Variants in KLF10 observed in about 807,000 individuals in gnomAD.
KLF10 encodes the protein KLF transcription factor 10.
A neutral mutation model predicts 31.6 loss-of-function variants in KLF10; 17 were observed. The ratio of observed to expected loss-of-function variants is 0.54; its 90% CI spans 0.37 to 0.81. The LOEUF is 0.81. KLF10 is among the 30% of genes least tolerant of loss of function. The probability of loss-of-function intolerance (pLI) is 0.00; values close to 1 mark genes in which losing one functional copy is unlikely to be tolerated. For missense variants in KLF10, 525 were observed against 598.1 expected (o/e 0.88, Z 1.27); for synonymous variants, 239 against 215.1 (o/e 1.11, Z -0.97).
chr8:102,650,174 TAGCTTGCTCACTTCCATCTGCC>T lies in KLF10; in HGVS notation c.1379_1400del (p.Trp460Ter). 6.2e-7 allele frequency: 1 copy of T among 1,614,252 alleles called. No homozygotes were observed. Among genetic ancestry groups the T allele is most frequent in the East Asian group, 2.2e-5 (1 of 44,884 alleles). Reference sequence around the variant, plus strand: ...GGGTTGGAGGTAGAGCAATGTCATTTAGCTTGCTCACTTCCATCTGCCAGTTTGGTAGCTTCTTGGCTGATAG... The same window carrying T: ...GGGTTGGAGGTAGAGCAATGTCATTTAGTTTGGTAGCTTCTTGGCTGATAG... On this transcript the variant is annotated frameshift_variant, in exon 4 of 4. Transcript: ENST00000285407. LOFTEE classifies it high-confidence loss of function.
In KLF10 at chr8:102,651,807, GGCT is replaced by G. The variant is rs1287126403; in HGVS notation, c.522_524del (p.Ala175del). Reference sequence around the variant, plus strand: ...AATTGTTCTGATAGTTGAGGATGCTGGCTGCTTTCATTGGGCAGGTCTGGTGGT... The same window carrying G: ...AATTGTTCTGATAGTTGAGGATGCTGGCTTTCATTGGGCAGGTCTGGTGGT... On this transcript the variant is annotated inframe_deletion, in exon 3 of 4. Transcript: ENST00000285407. The G allele has an allele frequency of 1.2e-6, 2 of 1,614,202 alleles. No homozygotes were observed. The highest frequency in any genetic ancestry group is 2.7e-5 in the African/African-American group (2 of 75,046).
intron 1 of KLF10, chr8:102,653,806 A>G: frequency 9.6e-7 from 1 of 1,044,384 alleles, no homozygotes; most frequent in Non-Finnish European, 1.2e-6. Context: ...GAAGGACAGG[A>G]AGGGAAACAG....
In KLF10 at chr8:102,650,011, T is replaced by C; in HGVS notation, c.*121A>G. ...CCCAGGCGGGGCCTTCGTGCCAGGC[T>C]GTGGGGCTTCTGCTTTAAGCCCACG... On this transcript the variant is annotated 3_prime_UTR_variant, in exon 4 of 4. Transcript: ENST00000285407. The C allele has an allele frequency of 7.6e-7, 1 of 1,322,794 alleles. No homozygotes were observed. The highest frequency in any genetic ancestry group is 1.5e-5 in the South Asian group (1 of 68,012). 81.9% of individuals were successfully genotyped at this position (1,322,794 alleles called of 1,614,324 possible).
Position 102,650,216 on chromosome 8 carries a change from TGATA to T in KLF10, c.1355_1358del (p.Leu452GlnfsTer12). ...TCTGCCAGTTTGGTAGCTTCTTGGCTGATAGATGGCGCCGGGCATGCTTGGTCAA... is the reference window on the plus strand; with the variant it reads ...TCTGCCAGTTTGGTAGCTTCTTGGCTGATGGCGCCGGGCATGCTTGGTCAA... On this transcript the variant is annotated frameshift_variant, in exon 4 of 4. Coordinates refer to ENST00000285407, the MANE Select transcript of KLF10 (RefSeq NM_005655.4). LOFTEE classifies it high-confidence loss of function. 2 of 1,614,228 alleles carry T rather than the reference TGATA, an allele frequency of 1.2e-6. No homozygotes were observed. Among genetic ancestry groups the T allele is most frequent in the Non-Finnish European group, 1.7e-6 (2 of 1,180,036 alleles).
At chr8:102,655,094 T>A (rs1827331553) in intron 1 of KLF10, among the ~76,000 whole-genome samples, 1 of 151,984 alleles carries the variant, frequency 6.6e-6, no homozygotes, top group South Asian at 2.1e-4. Flanking sequence ...CCCGAGTGCT[T>A]GCGAGCAGCC....
chr8:102,652,099 AG>A (rs1790026599), intron 2 of KLF10, 38 bp from the exon 3 acceptor site: 2 of 1,496,482 alleles, frequency 1.3e-6, no homozygotes, highest in African/African-American at 1.4e-5. Flanking sequence ...AGAAATCTAC[AG>A]TTTATTATAT....
In KLF10 at chr8:102,651,697, C is replaced by T. The variant is rs771055862; in HGVS notation, c.635G>A (p.Cys212Tyr). 1.9e-6 allele frequency: 3 copies of T among 1,614,234 alleles called. No homozygotes were observed. The South Asian group carries it at 3.3e-5, about 18-fold the overall frequency. ...CAAVSPNRSK[C>Y]ERNTVADVDE... Reference sequence around the variant, plus strand: ...AACATCTGCCACTGTGTTTCTCTCACATTTGGATCTGTTTGGTGACACAGC... The same window carrying T: ...AACATCTGCCACTGTGTTTCTCTCATATTTGGATCTGTTTGGTGACACAGC... The change falls in exon 3 of 4, where the codon TGT becomes TAT. Residue 212 changes from cysteine to tyrosine, a missense_variant. Physicochemically the swap from Cys to Tyr is radical, Grantham distance 194. Around this residue, in one of 3 missense-constraint regions of KLF10, gnomAD observed 434 missense variants for 450.7 expected, o/e 0.96. Coordinates refer to ENST00000285407, the MANE Select transcript of KLF10 (RefSeq NM_005655.4).
chr8:102,650,875 A>G (rs1160669036), intron 3 of KLF10, among the ~76,000 whole-genome samples: 1 of 152,226 alleles, frequency 6.6e-6, no homozygotes, highest in Non-Finnish European at 1.5e-5. Flanking sequence ...ACTTATTTTT[A>G]AATTATTTGT....
rs1827200464 is a variant in KLF10 at position 102,651,244 on chromosome 8, G to A, written c.1088C>T (p.Ser363Leu). Reference sequence around the variant, plus strand: ...ACAGATGTGACTCCTTATCCTTGATGAATCAATCTGAGGAGTGACTTTTGC... The same window carrying A: ...ACAGATGTGACTCCTTATCCTTGATAAATCAATCTGAGGAGTGACTTTTGC... The part of the protein sequence containing the change: ...SAAKVTPQID[S>L]SRIRSHICSH... Residue 363 changes from serine to leucine, a missense_variant, in exon 3 of 4, where the codon TCA (serine) becomes TTA (leucine). Ser to Leu is a moderately radical substitution (Grantham distance 145, BLOSUM62 -2). This residue lies in a region of KLF10 where 434 missense variants were observed against 450.7 expected (regional missense o/e 0.96). Coordinates refer to ENST00000285407, the MANE Select transcript of KLF10 (RefSeq NM_005655.4). 1 of 1,596,880 alleles carries A rather than the reference G, an allele frequency of 6.3e-7. No homozygotes were observed. The highest frequency in any genetic ancestry group is 1.3e-5 in the African/African-American group (1 of 74,304).
At chr8:102,654,262 A>T (rs1408437894) in intron 1 of KLF10, 1 of 145,012 alleles carries the variant, frequency 6.9e-6, no homozygotes, top group Non-Finnish European at 1.5e-5. Context: ...CGCCGCCGCC[A>T]ACCGCCCGGC....
rs1176398689 is a variant in KLF10 at position 102,649,189 on chromosome 8, G to A, written c.*943C>T. On this transcript the variant is annotated 3_prime_UTR_variant, in exon 4 of 4. Transcript: ENST00000285407. ...GTCACTAATTTTCTAATTCAATAAAGCACACATTATATCCTCATAACATAA... is the reference window on the plus strand; with the variant it reads ...GTCACTAATTTTCTAATTCAATAAAACACACATTATATCCTCATAACATAA... 6.6e-6 allele frequency: 1 copy of A among 152,496 alleles called. No homozygotes were observed. The highest frequency in any genetic ancestry group is 1.9e-4 in the East Asian group (1 of 5,196). The allele number at this position is 152,496 out of a possible 1,614,324, so 9.4% of individuals were successfully genotyped here.
rs1827224391 is a variant in KLF10 at position 102,651,948 on chromosome 8, A to G, written c.384T>C (p.Pro128=). 6.2e-7 allele frequency: 1 copy of G among 1,613,776 alleles called. No individual in the cohort carries two copies. Among genetic ancestry groups the G allele is most frequent in the South Asian group, 1.1e-5 (1 of 91,078 alleles). Reference sequence around the variant, plus strand: ...CCTCTTTGAAAGGTGCGGCAATGTGAGGTTTGGCAGTATCTGAGAGTGACT... The same window carrying G: ...CCTCTTTGAAAGGTGCGGCAATGTGGGGTTTGGCAGTATCTGAGAGTGACT... ...HFKSLSDTAK[P]HIAAPFKEEE... The change falls in exon 3 of 4, where the codon CCT becomes CCC. Residue 128 remains proline, a synonymous_variant. Coordinates refer to ENST00000285407, the MANE Select transcript of KLF10 (RefSeq NM_005655.4).
chr8:102,650,814 AATC>A (rs774228885), intron 3 of KLF10, among the ~76,000 whole-genome samples: 42 of 135,474 alleles, frequency 3.1e-4, no homozygotes, highest in Non-Finnish European at 6.6e-4. Context: ...ACATCTACAG[AATC>A]ATCATTTGAG....
At chr8:102,654,126 C>G (rs1380365380) in intron 1 of KLF10, 7 of 197,850 alleles carry the variant, frequency 3.5e-5, no homozygotes, top group Non-Finnish European at 6.4e-5. Flanking sequence ...GTGAACAAAG[C>G]GTGATCAGCG....
At chr8:102,653,837 G>A (rs960710278) in intron 1 of KLF10, 8 of 1,007,850 alleles carry the variant, frequency 7.9e-6, no homozygotes, top group East Asian at 1.6e-4. Flanking sequence ...AAAGGGAGTG[G>A]GGCGCGAGGC....
At chr8:102,655,294 C>T (rs1276144134) in intron 1 of KLF10, among the ~76,000 whole-genome samples, 4 of 152,048 alleles carry the variant, frequency 2.6e-5, no homozygotes, top group African/African-American at 4.8e-5. Context: ...CTCGGGTCTC[C>T]ATGCGGAGTT....
chr8:102,651,785 T>C lies in KLF10; in HGVS notation c.547A>G (p.Asn183Asp). The change falls in exon 3 of 4, where the codon AAT becomes GAT. Residue 183 changes from asparagine (N) to aspartate (D), a missense_variant. Around this residue, in one of 3 missense-constraint regions of KLF10, gnomAD observed 434 missense variants for 450.7 expected, o/e 0.96. Coordinates refer to ENST00000285407, the MANE Select transcript of KLF10 (RefSeq NM_005655.4). ...AGGTGGGTTCTTCTTCTAAAAGAAT[T>C]GTTCTGATAGTTGAGGATGCTGGCT... is the stretch of plus-strand genomic sequence containing the variant. ...KAASILNYQN[N>D]SFRRRTHLNV... is the part of the protein sequence containing the mutation. 6.2e-7 allele frequency: 1 copy of C among 1,614,224 alleles called. No homozygotes were observed. Among genetic ancestry groups the C allele is most frequent in the Non-Finnish European group, 8.5e-7 (1 of 1,180,040 alleles).
At position 102,651,618 on chromosome 8, in the gene KLF10, C is replaced by T. The variant is rs751537607; in HGVS notation, c.714G>A (p.Thr238=). 6.8e-6 allele frequency: 11 copies of T among 1,614,174 alleles called. No homozygotes were observed. Among genetic ancestry groups the T allele is most frequent in the South Asian group, 1.1e-5 (1 of 91,082 alleles). Residue 238 remains threonine, a synonymous_variant, in exon 3 of 4, where the codon ACG becomes ACA. Coordinates refer to ENST00000285407, the MANE Select transcript of KLF10 (RefSeq NM_005655.4). ...LYDFSVPSSE[T]VICRSQPAPV... is the part of the protein sequence containing the mutation. Reference sequence around the variant, plus strand: ...GGGCTGGCTGAGACCTGCAGATGACCGTCTCTGAGGAAGGCACAGAAAAGT... The same window carrying T: ...GGGCTGGCTGAGACCTGCAGATGACTGTCTCTGAGGAAGGCACAGAAAAGT...
rs1365701823 is a variant in KLF10, at chr8:102,649,971, C to CT, written c.*160dup. ...CTGTGACCTGCCTGTGGCCGAAGCC[C>CT]TTTTAGTCACCTAACCCAGGCGGGG... On this transcript the variant is annotated 3_prime_UTR_variant, in exon 4 of 4. Transcript: ENST00000285407. The CT allele has an allele frequency of 1.2e-6, 1 of 844,074 alleles. No individual in the cohort carries two copies. Among genetic ancestry groups the CT allele is most frequent in the East Asian group, 2.7e-5 (1 of 37,342 alleles). 52.3% of individuals were successfully genotyped at this position (844,074 alleles called of 1,614,324 possible).
Sources: gnomAD v4.1 joint callset for allele counts (sites outside exome capture counted in the v4.1 genomes callset) on GRCh38, gnomAD v4.1.1 for gene constraint, gnomAD v4.1.1 regional missense constraint, MANE v1.5 for transcripts, NCBI Gene and HGNC (gene_info 2026-07-23, HGNC 2026-07-21) for gene names.